DYNC1LI2: variants seen among roughly 807,000 people sequenced by gnomAD.
DYNC1LI2 encodes the protein dynein cytoplasmic 1 light intermediate chain 2, also known as cytoplasmic dynein 1 light intermediate chain 2.
In DYNC1LI2, 19 loss-of-function variants were observed where a neutral mutation model predicts 57.8. The ratio of observed to expected loss-of-function variants is 0.33; its 90% CI spans 0.23 to 0.48. The LOEUF (loss-of-function observed/expected upper bound fraction) is 0.48. Among genes scored for constraint, DYNC1LI2 ranks in the 20% least tolerant of loss-of-function variants. The probability of loss-of-function intolerance (pLI) is 0.99; values close to 1 mark genes in which losing one functional copy is unlikely to be tolerated. For missense variants in DYNC1LI2, 470 were observed against 604.2 expected (o/e 0.78, Z 2.33); for synonymous variants, 256 against 233.4 (o/e 1.10, Z -0.88).
chr16:66,740,002 T>C (rs901665576), intron 4 of DYNC1LI2, among the ~76,000 whole-genome samples: 1 of 152,174 alleles, frequency 6.6e-6, no homozygotes, highest in Non-Finnish European at 1.5e-5. Flanking sequence ...GCTGCTTCTC[T>C]CTCAACTTTT....
At chr16:66,738,013 C>A (rs1187469910) in intron 4 of DYNC1LI2, among the ~76,000 whole-genome samples, 1 of 152,190 alleles carries the variant, frequency 6.6e-6, no homozygotes, top group Non-Finnish European at 1.5e-5. Context: ...ATTCAAACAA[C>A]AGGACTGAAG....
intron 4 of DYNC1LI2, chr16:66,738,449 A>C (rs1482427718): frequency 1.3e-5 from 2 of 151,324 alleles, no homozygotes; most frequent in Non-Finnish European, 2.9e-5. Flanking sequence ...ACAGGGTTTC[A>C]CCATCTTGGC....
intron 4 of DYNC1LI2, chr16:66,739,335 A>C (rs1366860041): frequency 6.6e-6 from 1 of 152,234 alleles, no homozygotes; most frequent in Non-Finnish European, 1.5e-5. Flanking sequence ...CATGAGGAGA[A>C]AATAGTTCAG....
At position 66,737,205 on chromosome 16, in the gene DYNC1LI2, G is replaced by A. The variant is rs1190511185; in HGVS notation, c.530-961C>T. Among the ~76,000 whole-genome samples the A allele has an allele frequency of 2.0e-5, 3 of 152,174 alleles. No individual in the cohort carries two copies. In the East Asian group the frequency reaches 5.8e-4, roughly 29 times the overall value. On this transcript the variant is annotated intron_variant, in intron 4 of 12. Transcript: ENST00000258198. ...GCATGAGAATCGCCTAAACCTGGGA[G>A]GTGGAGGTTGCAGTGAGCTAAGATT...
At chr16:66,725,806 A>T in intron 12 of DYNC1LI2, 22 bp downstream of exon 12, 1 of 1,606,350 alleles carries the variant, frequency 6.2e-7, no homozygotes, top group Non-Finnish European at 8.5e-7. Context: ...AAGAGTCACA[A>T]GTCTCCAGGG....
At chr16:66,750,088 G>C (rs1386170504) in intron 2 of DYNC1LI2, among the ~76,000 whole-genome samples, 1 of 152,136 alleles carries the variant, frequency 6.6e-6, no homozygotes, top group Admixed American at 6.5e-5. Context: ...ACCTTATTCA[G>C]GCCCTCTGCA....
In DYNC1LI2 at chr16:66,735,501, CTT is replaced by C. The variant is rs137881314; in HGVS notation, c.699+572_699+573del. On this transcript the variant is annotated intron_variant, in intron 5 of 12. Transcript: ENST00000258198. ...AGCCTTAAGGAAACTGCTGTGAGTT[CTT>C]TTTTTTTTATTTTTATTTTTTGAGA... is the stretch of plus-strand genomic sequence containing the variant. Among the ~76,000 whole-genome samples, 52 of 149,884 alleles carry C rather than the reference CTT, an allele frequency of 3.5e-4. 1 individual carries two copies. The highest frequency in any genetic ancestry group is 1.3e-3 in the African/African-American group (52 of 41,146).
intron 4 of DYNC1LI2, among the ~76,000 whole-genome samples, chr16:66,741,632 T>C (rs2017838436): frequency 6.6e-6 from 1 of 152,122 alleles, no homozygotes; most frequent in Non-Finnish European, 1.5e-5. Context: ...GATGTCATCC[T>C]GTGAAAATAC....
In DYNC1LI2 at chr16:66,736,160, G is replaced by A. The variant is rs988014701; in HGVS notation, c.614C>T (p.Ser205Phe). ...AGGCAGGGCAACATTTTCTTCATCG[G>A]AGCCTGAGGTCAGAGGGCCTCTTCT... The part of the protein sequence containing the change: ...PQRRGPLTSG[S>F]DEENVALPLG... Residue 205 changes from serine (S) to phenylalanine (F), a missense_variant, in exon 5 of 13, where the codon TCC becomes TTC. Coordinates refer to ENST00000258198, the MANE Select transcript of DYNC1LI2 (RefSeq NM_006141.3). 6.2e-7 allele frequency: 1 copy of A among 1,614,042 alleles called. No individual in the cohort carries two copies. Among genetic ancestry groups the A allele is most frequent in the African/African-American group, 1.3e-5 (1 of 74,972 alleles).
intron 6 of DYNC1LI2, 148 bp downstream of exon 6, chr16:66,734,070 C>T (rs1466368287): frequency 1.6e-6 from 1 of 633,224 alleles, no homozygotes; most frequent in Non-Finnish European, 2.7e-6. Flanking sequence ...AACTCCGATA[C>T]AGTAAAACAT....
At chr16:66,738,884 AACAC>A (rs34638723) in intron 4 of DYNC1LI2, 23,777 of 133,060 alleles carry the variant, frequency 0.18, 2,122 homozygotes, top group African/African-American at 0.25. Context: ...AAAAAAAACA[AACAC>A]ACACACACAC....
chr16:66,748,208 G>A (rs1241625316), intron 3 of DYNC1LI2, among the ~76,000 whole-genome samples: 2 of 148,702 alleles, frequency 1.3e-5, no homozygotes, highest in Non-Finnish European at 3.0e-5. Flanking sequence ...AGGCTGGGAG[G>A]CAGAGGTTGC....
At chr16:66,728,066 G>T in intron 10 of DYNC1LI2, 135 bp downstream of exon 10, 2 of 1,209,362 alleles carry the variant, frequency 1.7e-6, no homozygotes, top group Non-Finnish European at 2.3e-6. Context: ...TTCTGGTCAT[G>T]GGTCTTTAGG....
chr16:66,739,492 G>A (rs2017798869), intron 4 of DYNC1LI2, among the ~76,000 whole-genome samples: 1 of 151,534 alleles, frequency 6.6e-6, no homozygotes, highest in African/African-American at 2.4e-5. Flanking sequence ...CCCAGGCTGC[G>A]GGGCAGTGGC....
At chr16:66,743,485 CG>C (rs1336646466) in intron 3 of DYNC1LI2, among the ~76,000 whole-genome samples, 2 of 147,842 alleles carry the variant, frequency 1.4e-5, no homozygotes, top group Non-Finnish European at 3.0e-5. Flanking sequence ...CACTTGAACC[CG>C]GGAGGCAGAT....
chr16:66,751,247 G>C lies in DYNC1LI2; in HGVS notation c.181+26C>G. 6.2e-7 allele frequency: 1 copy of C among 1,607,660 alleles called. No individual in the cohort carries two copies. Among genetic ancestry groups the C allele is most frequent in the Non-Finnish European group, 8.5e-7 (1 of 1,177,606 alleles). ...CGCCTCGCCCACCCCAGCGACCTGGGGCAACGCCCCGCCGCCGGCGCTCAC... is the reference window on the plus strand; with the variant it reads ...CGCCTCGCCCACCCCAGCGACCTGGCGCAACGCCCCGCCGCCGGCGCTCAC... On this transcript the variant is annotated intron_variant, in intron 2 of 12. Coordinates refer to ENST00000258198, the MANE Select transcript of DYNC1LI2 (RefSeq NM_006141.3). This position sits in a 1 kb window ranked among gnomAD's most constrained non-coding sequence, Gnocchi z 5.2.
chr16:66,751,200 G>A lies in DYNC1LI2; in HGVS notation c.181+73C>T, dbSNP rs867169239. On this transcript the variant is annotated intron_variant, in intron 2 of 12. Transcript: ENST00000258198. This position sits in a 1 kb window ranked among gnomAD's most constrained non-coding sequence, Gnocchi z 5.2. The stretch of plus-strand genomic sequence containing the variant: ...GGCAGGCGGCTGGAACGGGGAAGGC[G>A]GGGACCTGAGGGAGGGGCGCCCGCC... 2.3e-5 allele frequency: 35 copies of A among 1,513,570 alleles called. No individual in the cohort carries two copies. The Middle Eastern group carries it at 1.1e-3, about 48-fold the overall frequency. The allele number at this position is 1,513,570 out of a possible 1,614,324, so 93.8% of individuals were successfully genotyped here.
chr16:66,740,925 T>C (rs2017824710), intron 4 of DYNC1LI2, among the ~76,000 whole-genome samples: 2 of 152,180 alleles, frequency 1.3e-5, no homozygotes, highest in Admixed American at 1.3e-4. Flanking sequence ...TTATCTCAGG[T>C]TTTATGTCAC....
chr16:66,741,040 T>C (rs1404019874), intron 4 of DYNC1LI2, among the ~76,000 whole-genome samples: 1 of 152,228 alleles, frequency 6.6e-6, no homozygotes, highest in Non-Finnish European at 1.5e-5. Flanking sequence ...GCCTTTTATT[T>C]ACTGTGTCTC....
Sources: gnomAD v4.1 joint callset for allele counts (sites outside exome capture counted in the v4.1 genomes callset) on GRCh38, gnomAD v4.1.1 for gene constraint, Gnocchi (gnomAD v3.1) non-coding constraint, MANE v1.5 for transcripts, NCBI Gene and HGNC (gene_info 2026-07-23, HGNC 2026-07-21) for gene names.